SLC1A1: variants seen among roughly 807,000 people sequenced by gnomAD.
SLC1A1 encodes the protein excitatory amino acid transporter 3.
Under a neutral mutation model 53.3 loss-of-function variants are expected in SLC1A1, and 43 were observed. The ratio of observed to expected loss-of-function variants is 0.81; its 90% confidence interval spans 0.63 to 1.04. The LOEUF is 1.04. SLC1A1 is among the 50% of genes least tolerant of loss of function. The probability of loss-of-function intolerance (pLI) is 0.00; values close to 1 mark genes in which losing one functional copy is unlikely to be tolerated. For synonymous variants in SLC1A1, 307 were observed against 243.2 expected (o/e 1.26, Z -2.44); for missense variants, 748 against 664.9 (o/e 1.12, Z -1.37).
chr9:4,497,068 C>T (rs920722484), intron 1 of SLC1A1, among the ~76,000 whole-genome samples: 9 of 152,014 alleles, frequency 5.9e-5, no homozygotes, highest in Non-Finnish European at 8.8e-5. Flanking sequence ...AAGGGTGAAG[C>T]ATTGTATTCC....
At chr9:4,520,033 T>C (rs548611145) in intron 1 of SLC1A1, among the ~76,000 whole-genome samples, 3 of 152,354 alleles carry the variant, frequency 2.0e-5, no homozygotes, top group African/African-American at 7.2e-5. Flanking sequence ...GATTTATCTT[T>C]AGACACTGTA....
chr9:4,518,668 A>C (rs1013016268), intron 1 of SLC1A1, among the ~76,000 whole-genome samples: 29 of 152,132 alleles, frequency 1.9e-4, no homozygotes, highest in Non-Finnish European at 1.8e-4. Context: ...AGCTTCTTTC[A>C]CATGGAGAAG....
intron 1 of SLC1A1, among the ~76,000 whole-genome samples, chr9:4,510,326 AG>A (rs1247121866): frequency 1.3e-5 from 2 of 152,182 alleles, no homozygotes; most frequent in Non-Finnish European, 2.9e-5. Context: ...CTTCCATGCA[AG>A]GAGGGCAAAT....
chr9:4,509,476 C>T (rs978391941), intron 1 of SLC1A1, among the ~76,000 whole-genome samples: 5 of 150,738 alleles, frequency 3.3e-5, no homozygotes, highest in African/African-American at 1.2e-4. Context: ...TTCCACAGTA[C>T]AGTGAGGGCT....
chr9:4,580,643 G>A (rs955558663), intron 10 of SLC1A1, among the ~76,000 whole-genome samples: 1 of 142,232 alleles, frequency 7.0e-6, no homozygotes, highest in East Asian at 2.0e-4. Context: ...GTGTGTGTGT[G>A]TGTGTGTGTA....
At chr9:4,511,803 G>C (rs1329078292) in intron 1 of SLC1A1, among the ~76,000 whole-genome samples, 1 of 152,148 alleles carries the variant, frequency 6.6e-6, no homozygotes, top group African/African-American at 2.4e-5. Flanking sequence ...CAGATGGCAT[G>C]ATTTTCTACA....
chr9:4,579,606 CT>C (rs1820873766), intron 10 of SLC1A1, among the ~76,000 whole-genome samples: 1 of 152,236 alleles, frequency 6.6e-6, no homozygotes, highest in Admixed American at 6.5e-5. Context: ...TTGCTGAAAA[CT>C]ACTGGCCCAG....
At chr9:4,562,296 ACTC>A (rs1250515236) in intron 3 of SLC1A1, among the ~76,000 whole-genome samples, 1 of 149,330 alleles carries the variant, frequency 6.7e-6, no homozygotes, top group Non-Finnish European at 1.5e-5. Flanking sequence ...CTGGTCTTGA[ACTC>A]CTGACCTCAG....
chr9:4,541,689 A>T (rs557090102), intron 1 of SLC1A1, among the ~76,000 whole-genome samples: 15 of 152,358 alleles, frequency 9.8e-5, no homozygotes, highest in African/African-American at 3.6e-4. Flanking sequence ...AGGTTCCATA[A>T]TCACATTCCC....
intron 1 of SLC1A1, among the ~76,000 whole-genome samples, chr9:4,519,239 A>G (rs1438944080): frequency 6.6e-6 from 1 of 152,252 alleles, no homozygotes; most frequent in African/African-American, 2.4e-5. Flanking sequence ...ATGGTCTCCA[A>G]TGAAATGGAT....
chr9:4,514,270 T>C (rs1029811273), intron 1 of SLC1A1, among the ~76,000 whole-genome samples: 1 of 152,148 alleles, frequency 6.6e-6, no homozygotes. Flanking sequence ...AGGGTCTGTG[T>C]TTACTGGTGG....
intron 1 of SLC1A1, among the ~76,000 whole-genome samples, chr9:4,527,000 G>A (rs1380099159): frequency 6.6e-6 from 1 of 152,156 alleles, no homozygotes; most frequent in Non-Finnish European, 1.5e-5. Flanking sequence ...CAAAACAGAT[G>A]ATCCTGGGTA....
chr9:4,562,159 C>T (rs996144735), intron 3 of SLC1A1, among the ~76,000 whole-genome samples: 1 of 150,998 alleles, frequency 6.6e-6, no homozygotes, highest in Non-Finnish European at 1.5e-5. Context: ...GCAACCTCTG[C>T]CTCCTGGGTT....
At position 4,556,707 on chromosome 9, in the gene SLC1A1, C is replaced by T. The variant is rs929379849; in HGVS notation, c.233-4742C>T. ...TCATTCTCACAGTCAACATTCATTGCGCTAGACCACAAGTTCTCACCAAGA... is the reference window on the plus strand; with the variant it reads ...TCATTCTCACAGTCAACATTCATTGTGCTAGACCACAAGTTCTCACCAAGA... On this transcript the variant is annotated intron_variant, in intron 2 of 11. Coordinates refer to ENST00000262352, the MANE Select transcript of SLC1A1 (RefSeq NM_004170.6). This position sits in a 1 kb window ranked among gnomAD's most constrained non-coding sequence, Gnocchi z 4.1. Among the ~76,000 whole-genome samples the T allele has an allele frequency of 1.3e-5, 2 of 152,154 alleles. No individual in the cohort carries two copies. The highest frequency in any genetic ancestry group is 6.5e-5 in the Admixed American group (1 of 15,276).
At chr9:4,545,788 G>A (rs1476620811) in intron 2 of SLC1A1, among the ~76,000 whole-genome samples, 5 of 152,194 alleles carry the variant, frequency 3.3e-5, no homozygotes, top group Admixed American at 3.3e-4. Context: ...CTTTGAAGAG[G>A]AAGCTTCCTT....
chr9:4,501,937 T>TA (rs990527837), intron 1 of SLC1A1, among the ~76,000 whole-genome samples: 9 of 151,636 alleles, frequency 5.9e-5, no homozygotes, highest in African/African-American at 2.2e-4. Context: ...TAAGTCAACA[T>TA]AAAAAAATGC....
rs1482627096 is a variant in SLC1A1 at position 4,549,404 on chromosome 9, T to C, written c.232+4697T>C. ...CAAAGTGCAGCTGAGACCACACTTC[T>C]ACTCAGGACATAATCTTTGCTAAAG... On this transcript the variant is annotated intron_variant, in intron 2 of 11. Transcript: ENST00000262352. This position sits in a 1 kb window ranked among gnomAD's most constrained non-coding sequence, Gnocchi z 4.1. Among the ~76,000 whole-genome samples, 3 of 152,156 alleles carry C rather than the reference T, an allele frequency of 2.0e-5. No individual in the cohort carries two copies. Among genetic ancestry groups the C allele is most frequent in the African/African-American group, 7.2e-5 (3 of 41,424 alleles).
At chr9:4,497,521 G>C (rs1366053383) in intron 1 of SLC1A1, among the ~76,000 whole-genome samples, 1 of 152,182 alleles carries the variant, frequency 6.6e-6, no homozygotes, top group East Asian at 1.9e-4. Flanking sequence ...TTATGACCCA[G>C]AGAGTTAGTA....
intron 11 of SLC1A1, among the ~76,000 whole-genome samples, chr9:4,584,298 C>T (rs1357683467): frequency 1.3e-5 from 2 of 152,232 alleles, no homozygotes; most frequent in Admixed American, 1.3e-4. Context: ...GCTATAGGCC[C>T]AAATGAGGTG....
Sources: allele counts gnomAD v4.1 joint callset (sites outside exome capture counted in the v4.1 genomes callset), GRCh38; gene constraint gnomAD v4.1.1; non-coding constraint Gnocchi (gnomAD v3.1); transcripts MANE v1.5; gene names NCBI Gene and HGNC (gene_info 2026-07-23, HGNC 2026-07-21).